DUOXA1: variants seen among roughly 807,000 people sequenced by gnomAD.
The protein encoded by DUOXA1 is dual oxidase maturation factor 1, also known as dual oxidase activator 1.
DUOXA1 carries 19 observed loss-of-function variants against 26.6 expected under a neutral mutation model. The observed-to-expected ratio is 0.71, with a 90% CI of 0.50 to 1.05. The LOEUF (loss-of-function observed/expected upper bound fraction) is 1.05. Ranked by LOEUF, DUOXA1 falls within the 50% of genes least tolerant of loss-of-function variation. The pLI is 0.00. For synonymous variants in DUOXA1, 166 were observed against 177.0 expected (o/e 0.94, Z 0.49); for missense variants, 403 against 427.5 (o/e 0.94, Z 0.51).
chr15:45,118,903 G>A lies in DUOXA1; in HGVS notation c.*203C>T. 7.7e-7 allele frequency: 1 copy of A among 1,299,392 alleles called. No individual in the cohort carries two copies. The allele number at this position is 1,299,392 out of a possible 1,614,324, so 80.5% of individuals were successfully genotyped here. A position where few individuals can be genotyped will look rare whatever the true frequency, so the allele number is the denominator to read the frequency against. ...GCAACAGGCTTTATGGACAGGCCCAGCATCTCTTCAGTCCCTTAGGGCTTT... is the reference window on the plus strand; with the variant it reads ...GCAACAGGCTTTATGGACAGGCCCAACATCTCTTCAGTCCCTTAGGGCTTT... On this transcript the variant is annotated 3_prime_UTR_variant, in exon 9 of 9. Transcript: ENST00000560572.
At position 45,119,064 on chromosome 15, in the gene DUOXA1, G is replaced by C; in HGVS notation, c.*42C>G. 1 of 1,540,068 alleles carries C rather than the reference G, an allele frequency of 6.5e-7. No individual in the cohort carries two copies. Among genetic ancestry groups the C allele is most frequent in the South Asian group, 1.3e-5 (1 of 79,802 alleles). ...TTTTATGGGGCGCCAATGAGGTTTG[G>C]AGCCAGACTGGAAGTCCAGGTGGCC... On this transcript the variant is annotated 3_prime_UTR_variant, in exon 9 of 9. Coordinates refer to ENST00000560572, the MANE Select transcript of DUOXA1 (RefSeq NM_001276266.2).
At chr15:45,125,260 T>C (rs1272240251) in intron 3 of DUOXA1, among the ~76,000 whole-genome samples, 1 of 152,220 alleles carries the variant, frequency 6.6e-6, no homozygotes, top group Non-Finnish European at 1.5e-5. Context: ...TCCTGGGCTC[T>C]AGCCATTCAT....
intron 8 of DUOXA1, 33 bp from the exon 9 acceptor site, chr15:45,119,398 G>T: frequency 6.3e-7 from 1 of 1,575,562 alleles, no homozygotes; most frequent in South Asian, 1.1e-5. Context: ...TCCCACCTTA[G>T]TGCTAGTAAC....
Position 45,118,903 on chromosome 15 carries a change from G to C in DUOXA1, c.*203C>G, listed in dbSNP as rs1239861908. ...GCAACAGGCTTTATGGACAGGCCCA[G>C]CATCTCTTCAGTCCCTTAGGGCTTT... On this transcript the variant is annotated 3_prime_UTR_variant, in exon 9 of 9. Coordinates refer to ENST00000560572, the MANE Select transcript of DUOXA1 (RefSeq NM_001276266.2). 1 of 1,299,392 alleles carries C rather than the reference G, an allele frequency of 7.7e-7. No individual in the cohort carries two copies. Among genetic ancestry groups the C allele is most frequent in the Non-Finnish European group, 9.8e-7 (1 of 1,025,486 alleles). The allele number at this position is 1,299,392 out of a possible 1,614,324, so 80.5% of individuals were successfully genotyped here.
intron 4 of DUOXA1, 75 bp from the exon 5 acceptor site, chr15:45,122,317 G>A (rs1895295243): frequency 1.4e-6 from 2 of 1,431,444 alleles, no homozygotes; most frequent in Non-Finnish European, 1.9e-6. Context: ...CCAGACTTGG[G>A]GGAGGGGCGG....
intron 8 of DUOXA1, among the ~76,000 whole-genome samples, 184 bp downstream of exon 8, chr15:45,119,919 G>C (rs150541431): frequency 2.6e-5 from 4 of 152,096 alleles, no homozygotes; most frequent in East Asian, 1.9e-4. Context: ...TCTGAGGAGG[G>C]GGGGGAAGTG....
rs748280603 is a variant in DUOXA1 at position 45,120,736 on chromosome 15, T to C, written c.410A>G (p.Asn137Ser). 6.2e-7 allele frequency: 1 copy of C among 1,614,056 alleles called. No homozygotes were observed. Among genetic ancestry groups the C allele is most frequent in the South Asian group, 1.1e-5 (1 of 91,074 alleles). Residue 137 changes from asparagine (N) to serine (S), a missense_variant, in exon 7 of 9, where the codon AAC becomes AGC. Asn to Ser is a conservative substitution (Grantham distance 46). Coordinates refer to ENST00000560572, the MANE Select transcript of DUOXA1 (RefSeq NM_001276266.2). ...AGCCTTTGCATACTCCTCAGCATAG[T>C]TCTCACCCAGGCGCCAGGTGAACTC... is the stretch of plus-strand genomic sequence containing the variant. ...NEEFTWRLGE[N>S]YAEEYAKALE...
At chr15:45,121,384 G>A (rs529671553) in intron 5 of DUOXA1, among the ~76,000 whole-genome samples, 163 bp from the exon 6 acceptor site, 16 of 152,348 alleles carry the variant, frequency 1.1e-4, no homozygotes, top group Admixed American at 1.0e-3. Flanking sequence ...AACCACATGT[G>A]TGGGATTTCC....
intron 3 of DUOXA1, among the ~76,000 whole-genome samples, chr15:45,124,571 A>G (rs1895518688): frequency 1.3e-5 from 2 of 152,138 alleles, no homozygotes; most frequent in Non-Finnish European, 2.9e-5. Context: ...GTGCAGTGGC[A>G]CCATCTTGGT....
rs1169186079 is a variant in DUOXA1, at chr15:45,118,478, C to G, written c.*628G>C. ...GTTTGAGGGCCAAGGTAGGTGTCAG[C>G]AAGGCATAGAAAGATAAATCCCAAG... On this transcript the variant is annotated 3_prime_UTR_variant, in exon 9 of 9. Coordinates refer to ENST00000560572, the MANE Select transcript of DUOXA1 (RefSeq NM_001276266.2). 4.0e-6 allele frequency: 4 copies of G among 1,005,012 alleles called. No homozygotes were observed. The highest frequency in any genetic ancestry group is 4.9e-4 in the Middle Eastern group (1 of 2,028). 62.3% of individuals were successfully genotyped at this position (1,005,012 alleles called of 1,614,324 possible). A position where few individuals can be genotyped will look rare whatever the true frequency, so the allele number is the denominator to read the frequency against.
intron 4 of DUOXA1, 34 bp from the exon 5 acceptor site, chr15:45,122,276 T>C (rs1261417938): frequency 6.3e-7 from 1 of 1,579,152 alleles, no homozygotes; most frequent in Non-Finnish European, 8.6e-7. Flanking sequence ...AAGTAAAGAG[T>C]GCCTTCCTTC....
At chr15:45,125,446 C>A (rs1312505209) in intron 3 of DUOXA1, among the ~76,000 whole-genome samples, 1 of 152,190 alleles carries the variant, frequency 6.6e-6, no homozygotes, top group Non-Finnish European at 1.5e-5. Context: ...CAGCTACCAT[C>A]CTATTTTACT....
At chr15:45,124,923 T>G (rs1895547297) in intron 3 of DUOXA1, among the ~76,000 whole-genome samples, 3 of 152,350 alleles carry the variant, frequency 2.0e-5, no homozygotes, top group Middle Eastern at 3.4e-3. Flanking sequence ...TCTTGAGTCC[T>G]TGGTTTCTTC....
Position 45,119,357 on chromosome 15 carries a change from A to G in DUOXA1, c.781T>C (p.Cys261Arg). ...GCCATAGCCAGGCCCAGCAGCACAC[A>G]CAGCAGTCCTGGAGATGAGGGCAAC... ...FWITLTTGLL[C>R]VLLGLAMAVA... Residue 261 changes from cysteine to arginine, a missense_variant, in exon 9 of 9, where the codon TGT (cysteine) becomes CGT (arginine). Cys to Arg is a radical substitution (Grantham distance 180, BLOSUM62 -3). Transcript: ENST00000560572. 6.2e-7 allele frequency: 1 copy of G among 1,610,382 alleles called. No homozygotes were observed. Among genetic ancestry groups the G allele is most frequent in the Non-Finnish European group, 8.5e-7 (1 of 1,177,366 alleles).
At position 45,118,862 on chromosome 15, in the gene DUOXA1, G is replaced by A; in HGVS notation, c.*244C>T. ...TTGCTGTGCAGATAAGCTAGCCCCT[G>A]CTTGGCCTTATCATGGCAACAGGCT... is the stretch of plus-strand genomic sequence containing the variant. On this transcript the variant is annotated 3_prime_UTR_variant, in exon 9 of 9. Coordinates refer to ENST00000560572, the MANE Select transcript of DUOXA1 (RefSeq NM_001276266.2). 8.1e-7 allele frequency: 1 copy of A among 1,234,368 alleles called. No individual in the cohort carries two copies. Among genetic ancestry groups the A allele is most frequent in the Non-Finnish European group, 1.0e-6 (1 of 986,496 alleles). 76.5% of individuals were successfully genotyped at this position (1,234,368 alleles called of 1,614,324 possible). A position where few individuals can be genotyped will look rare whatever the true frequency, so the allele number is the denominator to read the frequency against.
Position 45,119,320 on chromosome 15 carries a change from C to A in DUOXA1, c.818G>T (p.Arg273Met), listed in dbSNP as rs1894918461. Residue 273 changes from arginine to methionine, a missense_variant, in exon 9 of 9, where the codon AGG becomes ATG. Physicochemically the swap from Arg to Met is moderately conservative, Grantham distance 91. Coordinates refer to ENST00000560572, the MANE Select transcript of DUOXA1 (RefSeq NM_001276266.2). ...LLGLAMAVAH[R>M]MQPHRLKAFF... ...AGCCTTCAGCCTGTGAGGCTGCATC[C>A]TGTGGGCCACCGCCATAGCCAGGCC... 1 of 1,613,634 alleles carries A rather than the reference C, an allele frequency of 6.2e-7. No individual in the cohort carries two copies. The highest frequency in any genetic ancestry group is 2.2e-5 in the East Asian group (1 of 44,858).
Position 45,121,227 on chromosome 15 carries a change from G to A in DUOXA1, c.206-6C>T, listed in dbSNP as rs1895170137. On this transcript the variant is annotated splice_region_variant and splice_polypyrimidine_tract_variant and intron_variant, in intron 5 of 8. Coordinates refer to ENST00000560572, the MANE Select transcript of DUOXA1 (RefSeq NM_001276266.2). The stretch of plus-strand genomic sequence containing the variant: ...CTCAGAACTGAAATTCACAGCTGTG[G>A]TTGGGGAGTTGGACATATGGGAACT... 1.2e-6 allele frequency: 2 copies of A among 1,614,080 alleles called. No homozygotes were observed. The highest frequency in any genetic ancestry group is 1.3e-5 in the African/African-American group (1 of 74,942).
chr15:45,127,996 C>T (rs749493151), intron 3 of DUOXA1, among the ~76,000 whole-genome samples: 42 of 152,150 alleles, frequency 2.8e-4, no homozygotes, highest in Admixed American at 6.5e-5. Flanking sequence ...GATGCTTTCT[C>T]ATGGGGTGGG....
Position 45,118,592 on chromosome 15 carries a change from G to C in DUOXA1, c.*514C>G. On this transcript the variant is annotated 3_prime_UTR_variant, in exon 9 of 9. Coordinates refer to ENST00000560572, the MANE Select transcript of DUOXA1 (RefSeq NM_001276266.2). Reference sequence around the variant, plus strand: ...GCATAGTTGGTTAATGTTAGACCTAGGATGAGAAGTTTGGTTTCCCCTCCT... The same window carrying C: ...GCATAGTTGGTTAATGTTAGACCTACGATGAGAAGTTTGGTTTCCCCTCCT... 1.0e-6 allele frequency: 1 copy of C among 990,740 alleles called. No individual in the cohort carries two copies. Among genetic ancestry groups the C allele is most frequent in the Non-Finnish European group, 1.2e-6 (1 of 833,864 alleles). 61.4% of individuals were successfully genotyped at this position (990,740 alleles called of 1,614,324 possible).
Sources: gnomAD v4.1 joint callset for allele counts (sites outside exome capture counted in the v4.1 genomes callset) on GRCh38, gnomAD v4.1.1 for gene constraint, MANE v1.5 for transcripts, NCBI Gene and HGNC (gene_info 2026-07-23, HGNC 2026-07-21) for gene names.